The following CPNE7 variants were observed in gnomAD, a reference collection of about 807,000 sequenced individuals.
CPNE7 encodes the protein copine-7.
Under a neutral mutation model 66.5 loss-of-function variants are expected in CPNE7, and 78 were observed. The ratio of observed to expected loss-of-function variants is 1.17; its 90% CI spans 0.98 to 1.42. The LOEUF is 1.42. Among genes scored for constraint, CPNE7 ranks in the 40% most tolerant of loss-of-function variants. CPNE7 has a pLI of 0.00. For missense variants in CPNE7, 1,012 were observed against 776.6 expected, an observed-to-expected ratio of 1.30 and a Z score of -3.60; for synonymous variants, 468 against 336.7, an observed-to-expected ratio of 1.39 and a Z score of -4.27.
In CPNE7 at chr16:89,584,173, C is replaced by G. The variant is rs1567956459; in HGVS notation, c.507+71C>G. On this transcript the variant is annotated intron_variant, in intron 4 of 14. Coordinates refer to ENST00000319518, the MANE Select transcript of CPNE7 (RefSeq NM_153636.3). The surrounding 1 kb of genome is among the most constrained non-coding windows in gnomAD (Gnocchi z 6.0). ...AACCGGTTCGAAAACCCGGTCCCTG[C>G]CCAGCGCTGACCTCGCGTGGCTATG... 1 of 1,493,296 alleles carries G rather than the reference C, an allele frequency of 6.7e-7. No homozygotes were observed. The highest frequency in any genetic ancestry group is 1.2e-5 in the South Asian group (1 of 83,882). 92.5% of individuals were successfully genotyped at this position (1,493,296 alleles called of 1,614,324 possible). A position where few individuals can be genotyped will look rare whatever the true frequency, so the allele number is the denominator to read the frequency against.
chr16:89,587,722 C>G (rs71374184), intron 9 of CPNE7: 51,139 of 119,084 alleles, frequency 0.43, 13,371 homozygotes, highest in Middle Eastern at 0.56. Context: ...CATAGCACCC[C>G]CGTGTCACCC....
intron 1 of CPNE7, among the ~76,000 whole-genome samples, chr16:89,576,924 A>C (rs2058869688): frequency 6.7e-6 from 1 of 150,030 alleles, no homozygotes; most frequent in African/African-American, 2.5e-5. Context: ...CCCGCCCCTC[A>C]CAGCCTGAGC....
intron 13 of CPNE7, among the ~76,000 whole-genome samples, chr16:89,591,807 T>A: frequency 6.6e-6 from 1 of 151,762 alleles, no homozygotes; most frequent in South Asian, 2.1e-4. Flanking sequence ...TTCACGCCAT[T>A]CTCCTGCCTC....
rs778120881 is a variant in CPNE7 at position 89,595,620 on chromosome 16, G to C, written c.1539+17G>C. On this transcript the variant is annotated intron_variant, in intron 14 of 14. Transcript: ENST00000319518. ...CTCAAGAACGTGAGTGTCCTGGAGGGGCTCCGTCAAGGCCGGCTTGGGGGT... is the reference window on the plus strand; with the variant it reads ...CTCAAGAACGTGAGTGTCCTGGAGGCGCTCCGTCAAGGCCGGCTTGGGGGT... 6.3e-7 allele frequency: 1 copy of C among 1,589,264 alleles called. No individual in the cohort carries two copies. The highest frequency in any genetic ancestry group is 1.3e-5 in the African/African-American group (1 of 74,464).
intron 2 of CPNE7, among the ~76,000 whole-genome samples, chr16:89,582,832 C>T (rs1401802375): frequency 6.6e-6 from 1 of 152,278 alleles, no homozygotes; most frequent in Non-Finnish European, 1.5e-5. Flanking sequence ...AGGTGGGAAG[C>T]ACACACCTGC....
At chr16:89,590,447 C>T (rs1456353225) in intron 11 of CPNE7, among the ~76,000 whole-genome samples, 1 of 152,048 alleles carries the variant, frequency 6.6e-6, no homozygotes, top group Admixed American at 6.6e-5. Context: ...ATTGCTTGAA[C>T]CCGGGAGGCA....
At chr16:89,593,699 C>T (rs565883009) in intron 13 of CPNE7, among the ~76,000 whole-genome samples, 1 of 152,330 alleles carries the variant, frequency 6.6e-6, no homozygotes, top group African/African-American at 2.4e-5. Flanking sequence ...AAGATATTCT[C>T]TTGTATAACC....
chr16:89,584,824 C>T lies in CPNE7; in HGVS notation c.558C>T (p.Asp186=), dbSNP rs768563080. The T allele has an allele frequency of 4.3e-5, 70 of 1,613,528 alleles. No individual in the cohort carries two copies. The highest frequency in any genetic ancestry group is 1.6e-4 in the Middle Eastern group (1 of 6,080). Residue 186 remains aspartate (D), a synonymous_variant, in exon 5 of 15, where the codon GAC becomes GAT. Transcript: ENST00000319518. The surrounding 1 kb of genome is among the most constrained non-coding windows in gnomAD (Gnocchi z 6.0). ...TCCTGGAGCTCTACAGGGTCAACGA[C>T]GACCAGGGCTTGCAGCTGGTGTACA... is the stretch of plus-strand genomic sequence containing the variant. The part of the protein sequence containing the change: ...DPFLELYRVN[D]DQGLQLVYRT...
intron 13 of CPNE7, among the ~76,000 whole-genome samples, chr16:89,591,786 G>C (rs111917701): frequency 0.012 from 1,880 of 151,370 alleles, 45 homozygotes; most frequent in African/African-American, 0.043. Flanking sequence ...TGCAACCTCT[G>C]CTTCCCGGGG....
chr16:89,581,321 C>T (rs981155862), intron 2 of CPNE7, among the ~76,000 whole-genome samples: 4 of 151,566 alleles, frequency 2.6e-5, no homozygotes, highest in Admixed American at 2.6e-4. Context: ...TCACACGGAA[C>T]ATCCCATCAC....
At chr16:89,586,913 GA>G in intron 8 of CPNE7, 129 bp from the exon 9 acceptor site, 1 of 1,104,494 alleles carries the variant, frequency 9.1e-7, no homozygotes, top group Non-Finnish European at 1.3e-6. Flanking sequence ...GGGGAGAGAG[GA>G]TGGGGGAGAG....
Position 89,583,655 on chromosome 16 carries a change from GT to G in CPNE7, c.358-41del. 3.7e-6 allele frequency: 6 copies of G among 1,611,422 alleles called. No homozygotes were observed. In the South Asian group the frequency reaches 5.5e-5, roughly 15 times the overall value. ...GGTGGGGTCTCCAGGGTCAGGAGCC[GT>G]CCCCGCCTGCCCCTCCCTGCCTGAC... On this transcript the variant is annotated intron_variant, in intron 2 of 14. Coordinates refer to ENST00000319518, the MANE Select transcript of CPNE7 (RefSeq NM_153636.3).
rs1567965139 is a variant in CPNE7, at chr16:89,591,275, G to GGT, written c.1302+19_1302+20dup. Reference sequence around the variant, plus strand: ...GGAAAGCCTCTGTAGGTGCCCGGGGGGTGTGGTGCATGCTTGGTGTGGGGT... The same window carrying GGT: ...GGAAAGCCTCTGTAGGTGCCCGGGGGGTGTGTGGTGCATGCTTGGTGTGGGGT... On this transcript the variant is annotated intron_variant, in intron 13 of 14. Coordinates refer to ENST00000319518, the MANE Select transcript of CPNE7 (RefSeq NM_153636.3). 3.2e-6 allele frequency: 5 copies of GGT among 1,556,810 alleles called. No individual in the cohort carries two copies. In the South Asian group the frequency reaches 6.0e-5, roughly 19 times the overall value.
rs1295110352 is a variant in CPNE7, at chr16:89,595,719, G to A, written c.1539+116G>A. On this transcript the variant is annotated intron_variant, in intron 14 of 14. Coordinates refer to ENST00000319518, the MANE Select transcript of CPNE7 (RefSeq NM_153636.3). Reference sequence around the variant, plus strand: ...GTGGATGTGGCAGGTCCCTTCTTGTGTCTGGGGGATCCTGGGCTGTTCCCC... The same window carrying A: ...GTGGATGTGGCAGGTCCCTTCTTGTATCTGGGGGATCCTGGGCTGTTCCCC... 3.2e-6 allele frequency: 3 copies of A among 936,428 alleles called. No individual in the cohort carries two copies. In the African/African-American group the frequency reaches 4.8e-5, roughly 15 times the overall value. 58.0% of individuals were successfully genotyped at this position (936,428 alleles called of 1,614,324 possible). A position where few individuals can be genotyped will look rare whatever the true frequency, so the allele number is the denominator to read the frequency against.
intron 2 of CPNE7, among the ~76,000 whole-genome samples, chr16:89,579,475 G>A (rs112358973): frequency 0.014 from 2,111 of 150,204 alleles, 48 homozygotes; most frequent in African/African-American, 0.049. Flanking sequence ...CTGCTGACAC[G>A]GAACATCCGA....
intron 13 of CPNE7, among the ~76,000 whole-genome samples, chr16:89,594,800 C>A (rs1340121898): frequency 6.6e-6 from 1 of 151,760 alleles, no homozygotes; most frequent in Non-Finnish European, 1.5e-5. Context: ...TACAGGCGCC[C>A]ACCACCACGC....
At chr16:89,581,997 G>A (rs995619853) in intron 2 of CPNE7, among the ~76,000 whole-genome samples, 2 of 152,246 alleles carry the variant, frequency 1.3e-5, no homozygotes, top group Non-Finnish European at 2.9e-5. Context: ...AATCCGTGCA[G>A]GACATCCTAT....
intron 13 of CPNE7, among the ~76,000 whole-genome samples, chr16:89,591,905 T>G (rs1313172522): frequency 6.6e-6 from 1 of 151,902 alleles, no homozygotes; most frequent in Non-Finnish European, 1.5e-5. Flanking sequence ...TTCACCCTGT[T>G]GGCCAAGCTG....
At chr16:89,582,912 C>T (rs757584949) in intron 2 of CPNE7, among the ~76,000 whole-genome samples, 1 of 152,240 alleles carries the variant, frequency 6.6e-6, no homozygotes, top group Non-Finnish European at 1.5e-5. Context: ...CCCCGCTTGG[C>T]CGGGGTCATC....
Sources: gnomAD v4.1 joint callset for allele counts (sites outside exome capture counted in the v4.1 genomes callset) on GRCh38, gnomAD v4.1.1 for gene constraint, Gnocchi (gnomAD v3.1) non-coding constraint, MANE v1.5 for transcripts, NCBI Gene and HGNC (gene_info 2026-07-23, HGNC 2026-07-21) for gene names.